GABBR2: variants seen among roughly 807,000 people sequenced by gnomAD.
GABBR2 encodes gamma-aminobutyric acid type B receptor subunit 2.
In GABBR2, 23 loss-of-function variants were observed where a neutral mutation model predicts 105.6. The ratio of observed to expected loss-of-function variants is 0.22; its 90% CI spans 0.16 to 0.31. The LOEUF (loss-of-function observed/expected upper bound fraction) is 0.31, where lower values mean the gene tolerates loss of function less well. Among genes scored for constraint, GABBR2 ranks in the 10% least tolerant of loss-of-function variants. The pLI is 1.00. For missense variants in GABBR2, 734 were observed against 1,245.5 expected (o/e 0.59, Z 6.18); for synonymous variants, 478 against 499.7 (o/e 0.96, Z 0.58).
intron 4 of GABBR2, among the ~76,000 whole-genome samples, chr9:98,494,092 A>G (rs896961948): frequency 2.6e-5 from 4 of 152,224 alleles, no homozygotes; most frequent in Non-Finnish European, 5.9e-5. Flanking sequence ...GATTGGTGTG[A>G]TGCAGTGGTG....
chr9:98,496,036 G>A (rs916064989), intron 4 of GABBR2: 12 of 215,028 alleles, frequency 5.6e-5, no homozygotes, highest in Admixed American at 5.2e-5. Context: ...TCAGGAGCCT[G>A]GGCTTTCAGT....
intron 13 of GABBR2, among the ~76,000 whole-genome samples, chr9:98,333,137 G>T (rs772140801): frequency 6.6e-6 from 1 of 152,124 alleles, no homozygotes; most frequent in Non-Finnish European, 1.5e-5. Context: ...AGCAGCCAAA[G>T]GCCGGGTAAT....
intron 2 of GABBR2, among the ~76,000 whole-genome samples, chr9:98,572,281 G>A (rs1386563307): frequency 1.3e-5 from 2 of 152,164 alleles, no homozygotes; most frequent in Admixed American, 6.5e-5. Flanking sequence ...CCCAGCAAAA[G>A]GCAAAAGTTA....
intron 7 of GABBR2, among the ~76,000 whole-genome samples, chr9:98,408,130 A>G (rs1260825196): frequency 6.6e-6 from 1 of 152,266 alleles, no homozygotes; most frequent in Middle Eastern, 3.4e-3. Context: ...TGAAATCAAA[A>G]GATGTTAAGC....
At chr9:98,634,787 A>G (rs1211987867) in intron 1 of GABBR2, among the ~76,000 whole-genome samples, 1 of 152,180 alleles carries the variant, frequency 6.6e-6, no homozygotes, top group East Asian at 1.9e-4. Context: ...GGAGGAAGGA[A>G]AGCAACAACC....
intron 3 of GABBR2, among the ~76,000 whole-genome samples, chr9:98,540,860 C>T (rs748410753): frequency 5.3e-5 from 8 of 152,174 alleles, no homozygotes; most frequent in Non-Finnish European, 7.4e-5. Flanking sequence ...CTGAGTGAGG[C>T]TAATGTTTCA....
intron 13 of GABBR2, among the ~76,000 whole-genome samples, chr9:98,322,376 C>T (rs1157274445): frequency 6.6e-6 from 1 of 152,142 alleles, no homozygotes; most frequent in Non-Finnish European, 1.5e-5. Context: ...CAGGTGAATG[C>T]ACCTGTGTGA....
chr9:98,588,586 G>T (rs1474477647), intron 1 of GABBR2, among the ~76,000 whole-genome samples: 1 of 152,182 alleles, frequency 6.6e-6, no homozygotes, highest in African/African-American at 2.4e-5. Context: ...AAAAACTGAG[G>T]ATCAGAGAGG....
rs55933400 is a variant in GABBR2, at chr9:98,289,633, T to TG, written c.*950dup. The TG allele has an allele frequency of 7.8e-5, 9 of 115,892 alleles. No homozygotes were observed. Among genetic ancestry groups the TG allele is most frequent in the Admixed American group, 1.6e-4 (2 of 12,550 alleles). The allele number at this position is 115,892 out of a possible 1,614,324, so 7.2% of individuals were successfully genotyped here. A position where few individuals can be genotyped will look rare whatever the true frequency, so the allele number is the denominator to read the frequency against. On this transcript the variant is annotated 3_prime_UTR_variant, in exon 19 of 19. Coordinates refer to ENST00000259455, the MANE Select transcript of GABBR2 (RefSeq NM_005458.8). The stretch of plus-strand genomic sequence containing the variant: ...TCACTTTGGTCAGAAACAAAGTTAG[T>TG]GGGAAAAAAAAAAAAAAAATCCCAG...
At chr9:98,329,544 C>T (rs1167364352) in intron 13 of GABBR2, among the ~76,000 whole-genome samples, 8 of 152,294 alleles carry the variant, frequency 5.3e-5, no homozygotes, top group East Asian at 3.9e-4. Context: ...TGCCTATACA[C>T]GTCCCTAGCC....
chr9:98,309,718 G>A (rs991042874), intron 14 of GABBR2, among the ~76,000 whole-genome samples: 15 of 152,148 alleles, frequency 9.9e-5, no homozygotes, highest in African/African-American at 3.6e-4. Flanking sequence ...TCTATATTGG[G>A]TACCTCCTGT....
chr9:98,456,652 T>C (rs542863627), intron 6 of GABBR2, among the ~76,000 whole-genome samples: 26 of 152,312 alleles, frequency 1.7e-4, no homozygotes, highest in Admixed American at 1.4e-3. Flanking sequence ...TATTCACACA[T>C]TGTAGAGCAA....
intron 14 of GABBR2, among the ~76,000 whole-genome samples, chr9:98,307,543 G>A (rs1434705508): frequency 6.6e-6 from 1 of 152,156 alleles, no homozygotes; most frequent in Non-Finnish European, 1.5e-5. Context: ...TCACACTGAG[G>A]ACCTGTGTTT....
intron 13 of GABBR2, among the ~76,000 whole-genome samples, chr9:98,351,944 G>T (rs1401714828): frequency 6.6e-6 from 1 of 152,188 alleles, no homozygotes; most frequent in African/African-American, 2.4e-5. Context: ...TATAACAGCT[G>T]CTTCTTCCAA....
intron 7 of GABBR2, among the ~76,000 whole-genome samples, chr9:98,421,280 T>C (rs1416889031): frequency 6.6e-6 from 1 of 152,168 alleles, no homozygotes; most frequent in African/African-American, 2.4e-5. Context: ...TTTTCAGTGG[T>C]TGCTGTGACG....
chr9:98,637,726 A>G (rs535868058), intron 1 of GABBR2, among the ~76,000 whole-genome samples: 43 of 152,262 alleles, frequency 2.8e-4, no homozygotes, highest in African/African-American at 9.4e-4. Flanking sequence ...GGCAAGAAAA[A>G]AGATTGTCCC....
intron 9 of GABBR2, among the ~76,000 whole-genome samples, chr9:98,390,241 G>C (rs949362610): frequency 4.6e-5 from 7 of 151,896 alleles, no homozygotes; most frequent in African/African-American, 1.2e-4. Flanking sequence ...GGGTGTGCTG[G>C]TGCACACCTG....
intron 7 of GABBR2, among the ~76,000 whole-genome samples, chr9:98,408,805 T>G (rs919387644): frequency 2.6e-5 from 4 of 152,214 alleles, no homozygotes; most frequent in Non-Finnish European, 2.9e-5. Context: ...TTTATTTTTT[T>G]GAGACAGGGT....
intron 3 of GABBR2, among the ~76,000 whole-genome samples, chr9:98,523,215 C>T (rs1473477599): frequency 1.3e-5 from 2 of 152,036 alleles, no homozygotes; most frequent in Admixed American, 6.5e-5. Context: ...AAGAAACCTA[C>T]ATATAAAGGG....
Sources: gnomAD v4.1 joint callset for allele counts (sites outside exome capture counted in the v4.1 genomes callset) on GRCh38, gnomAD v4.1.1 for gene constraint, MANE v1.5 for transcripts, NCBI Gene and HGNC (gene_info 2026-07-23, HGNC 2026-07-21) for gene names.